Variants in FHIT observed in about 807,000 individuals in gnomAD.
FHIT encodes fragile histidine triad diadenosine triphosphatase.
In FHIT, 19 loss-of-function variants were observed where a neutral mutation model predicts 17.9. That is an observed-to-expected ratio of 1.06 (90% CI 0.74 to 1.56). The LOEUF (loss-of-function observed/expected upper bound fraction) is 1.56, where lower values mean the gene tolerates loss of function less well. Among genes scored for constraint, FHIT ranks in the 40% most tolerant of loss-of-function variants. The probability of loss-of-function intolerance (pLI) is 0.00; values close to 1 mark genes in which losing one functional copy is unlikely to be tolerated. For synonymous variants in FHIT, 81 were observed against 69.7 expected, an observed-to-expected ratio of 1.16 and a Z score of -0.81; for missense variants, 248 against 189.2, an observed-to-expected ratio of 1.31 and a Z score of -1.82.
chr3:60,122,961 C>G (rs1262218276), intron 5 of FHIT, among the ~76,000 whole-genome samples: 1 of 152,172 alleles, frequency 6.6e-6, no homozygotes, highest in Non-Finnish European at 1.5e-5. Context: ...GCTTCTAGTG[C>G]TGAGCACAGA....
chr3:60,034,776 T>TAA (rs1466771925), intron 5 of FHIT, among the ~76,000 whole-genome samples: 5 of 152,160 alleles, frequency 3.3e-5, no homozygotes, highest in Non-Finnish European at 7.3e-5. Context: ...AATTTACATG[T>TAA]AAAAAACTGC....
At chr3:60,315,954 T>C (rs1287467324) in intron 5 of FHIT, among the ~76,000 whole-genome samples, 1 of 152,208 alleles carries the variant, frequency 6.6e-6, no homozygotes, top group Non-Finnish European at 1.5e-5. Context: ...GGCAAAATCA[T>C]GCTGCATTAA....
At chr3:60,979,504 G>T (rs1228823564) in intron 3 of FHIT, among the ~76,000 whole-genome samples, 1 of 152,196 alleles carries the variant, frequency 6.6e-6, no homozygotes, top group Non-Finnish European at 1.5e-5. Context: ...AGAAAATTGT[G>T]AAGTAGTGAC....
intron 5 of FHIT, among the ~76,000 whole-genome samples, chr3:60,187,594 C>T (rs555830195): frequency 3.9e-5 from 6 of 152,254 alleles, no homozygotes; most frequent in Admixed American, 3.9e-4. Context: ...GAATCACCAG[C>T]CCTGCCTATT....
intron 5 of FHIT, among the ~76,000 whole-genome samples, chr3:60,263,918 T>G (rs75632440): frequency 6.8e-6 from 1 of 146,346 alleles, no homozygotes; most frequent in African/African-American, 2.5e-5. Flanking sequence ...AAAGTGAGTG[T>G]TTTTTTTTTT....
chr3:60,545,405 G>C (rs1161064735), intron 4 of FHIT, among the ~76,000 whole-genome samples: 1 of 151,822 alleles, frequency 6.6e-6, no homozygotes, highest in Non-Finnish European at 1.5e-5. Flanking sequence ...TGTTTCTTTG[G>C]ATTTACTATG....
At chr3:60,467,383 G>T in intron 5 of FHIT, among the ~76,000 whole-genome samples, 1 of 150,528 alleles carries the variant, frequency 6.6e-6, no homozygotes. Flanking sequence ...ACTAATTTTG[G>T]GTCTGGTTTT....
chr3:60,182,913 TAAA>T (rs561013009), intron 5 of FHIT, among the ~76,000 whole-genome samples: 5 of 136,676 alleles, frequency 3.7e-5, no homozygotes, highest in Admixed American at 1.5e-4. Context: ...AATGGAGGGT[TAAA>T]AAAAAAAAAA....
chr3:60,357,649 G>A (rs969439998), intron 5 of FHIT, among the ~76,000 whole-genome samples: 1 of 152,118 alleles, frequency 6.6e-6, no homozygotes, highest in Non-Finnish European at 1.5e-5. Flanking sequence ...TCAAAGCCAG[G>A]AAGCTTAATC....
intron 5 of FHIT, among the ~76,000 whole-genome samples, chr3:60,031,814 C>T (rs1273131168): frequency 1.3e-5 from 2 of 151,908 alleles, no homozygotes; most frequent in South Asian, 4.2e-4. Context: ...AACACATGAA[C>T]ATGAATGAAA....
At chr3:60,534,459 AAAAAG>A (rs58578826) in intron 5 of FHIT, among the ~76,000 whole-genome samples, 19,758 of 115,184 alleles carry the variant, frequency 0.17, 1,790 homozygotes, top group Non-Finnish European at 0.23. Context: ...AAAAAAAAAA[AAAAAG>A]ATGCGTCTCC....
intron 3 of FHIT, among the ~76,000 whole-genome samples, chr3:60,887,196 C>CTT (rs34516655): frequency 0.25 from 38,651 of 151,830 alleles, 5,622 homozygotes; most frequent in African/African-American, 0.39. Context: ...GCAGAACTAA[C>CTT]TTGTTTAGGT....
At chr3:60,446,212 A>C (rs981783795) in intron 5 of FHIT, among the ~76,000 whole-genome samples, 20 of 152,120 alleles carry the variant, frequency 1.3e-4, no homozygotes, top group African/African-American at 4.3e-4. Context: ...TTGGGGCATC[A>C]TTGAGATTCT....
chr3:61,102,208 T>A (rs1228403564), intron 2 of FHIT, among the ~76,000 whole-genome samples: 1 of 152,216 alleles, frequency 6.6e-6, no homozygotes, highest in Non-Finnish European at 1.5e-5. Flanking sequence ...AAATAGTTCT[T>A]ATTATTTTGA....
At chr3:60,088,262 AC>A (rs1258334074) in intron 5 of FHIT, among the ~76,000 whole-genome samples, 1 of 152,088 alleles carries the variant, frequency 6.6e-6, no homozygotes, top group Admixed American at 6.6e-5. Flanking sequence ...ACCAGGCCCC[AC>A]CTCCAATACT....
At chr3:61,020,947 T>C (rs1215177164) in intron 3 of FHIT, among the ~76,000 whole-genome samples, 1 of 152,108 alleles carries the variant, frequency 6.6e-6, no homozygotes, top group Admixed American at 6.5e-5. Flanking sequence ...GGGCATTACA[T>C]AATGGTAAAG....
chr3:59,961,473 T>C (rs1260264701), intron 7 of FHIT, among the ~76,000 whole-genome samples: 1 of 152,208 alleles, frequency 6.6e-6, no homozygotes, highest in Non-Finnish European at 1.5e-5. Flanking sequence ...AAAAAACTCC[T>C]GCAGCTAGCT....
intron 3 of FHIT, among the ~76,000 whole-genome samples, chr3:61,041,543 T>C (rs988625283): frequency 7.2e-5 from 11 of 152,262 alleles, no homozygotes; most frequent in East Asian, 1.9e-4. Flanking sequence ...TCAGCCCTTC[T>C]TTTTACTGAT....
At chr3:60,058,024 G>A (rs1284788522) in intron 5 of FHIT, among the ~76,000 whole-genome samples, 1 of 151,740 alleles carries the variant, frequency 6.6e-6, no homozygotes, top group Non-Finnish European at 1.5e-5. Flanking sequence ...CCTAGAATAG[G>A]CAAGCTTACA....
Sources: gnomAD v4.1 joint callset for allele counts (sites outside exome capture counted in the v4.1 genomes callset) on GRCh38, gnomAD v4.1.1 for gene constraint, MANE v1.5 for transcripts, NCBI Gene and HGNC (gene_info 2026-07-23, HGNC 2026-07-21) for gene names.